The following IL1RAPL1 variants were observed in gnomAD, a reference collection of about 807,000 sequenced individuals.
IL1RAPL1 encodes the protein interleukin 1 receptor accessory protein like 1, also known as interleukin-1 receptor accessory protein-like 1.
In IL1RAPL1, 3 loss-of-function variants were observed where a neutral mutation model predicts 48.4. The ratio of observed to expected loss-of-function variants is 0.06; its 90% CI spans 0.03 to 0.16. The LOEUF (loss-of-function observed/expected upper bound fraction) is 0.16, where lower values mean the gene tolerates loss of function less well. IL1RAPL1 is among the 10% of genes least tolerant of loss of function. The probability of loss-of-function intolerance (pLI) is 1.00; values close to 1 mark genes in which losing one functional copy is unlikely to be tolerated. For synonymous variants in IL1RAPL1, 185 were observed against 187.7 expected (o/e 0.99, Z 0.12); for missense variants, 349 against 530.6 (o/e 0.66, Z 3.36).
chrX:28,635,814 T>C (rs1934457704), intron 1 of IL1RAPL1, among the ~76,000 whole-genome samples: 1 of 111,538 alleles, frequency 9.0e-6, no homozygotes, highest in Admixed American at 9.6e-5. Context: ...TGTGTGTATG[T>C]GTAGCCCGGC....
intron 6 of IL1RAPL1, among the ~76,000 whole-genome samples, chrX:29,748,288 A>G (rs144519452): frequency 0.028 from 3,133 of 112,238 alleles, 104 homozygotes; most frequent in African/African-American, 0.097. Context: ...TTTTCCAGGT[A>G]CCAAAAACTT....
chrX:29,676,399 G>A (rs1237281208), intron 6 of IL1RAPL1, among the ~76,000 whole-genome samples: 1 of 111,635 alleles, frequency 9.0e-6, no homozygotes, highest in East Asian at 2.8e-4. Context: ...TCATACTATG[G>A]CAGCAGATAC....
chrX:29,494,414 A>G (rs1000012995), intron 5 of IL1RAPL1, among the ~76,000 whole-genome samples: 1 of 112,021 alleles, frequency 8.9e-6, no homozygotes, highest in Non-Finnish European at 1.9e-5. Context: ...GCTATTATGA[A>G]TAGCAAGATG....
rs913830506 is a variant in IL1RAPL1 at position 29,793,586 on chromosome X, G to A, written c.779-123878G>A. 1.6e-4 allele frequency among the ~76,000 whole-genome samples: 18 copies of A among 111,611 alleles called. No homozygotes were observed. The Admixed American group carries it at 1.6e-3, about 10-fold the overall frequency. On this transcript the variant is annotated intron_variant, in intron 6 of 10. Coordinates refer to ENST00000378993, the MANE Select transcript of IL1RAPL1 (RefSeq NM_014271.4). ...GTGATAATGTTTTATTTTCAAGCAG[G>A]TCATGATTATACTTATCACATTATT...
intron 5 of IL1RAPL1, among the ~76,000 whole-genome samples, chrX:29,470,859 C>G (rs1934913171): frequency 9.0e-6 from 1 of 111,360 alleles, no homozygotes; most frequent in African/African-American, 3.3e-5. Flanking sequence ...TTTTGAACTC[C>G]TGGCCTCAAG....
intron 5 of IL1RAPL1, among the ~76,000 whole-genome samples, chrX:29,604,759 T>C (rs1923833704): frequency 9.0e-6 from 1 of 111,625 alleles, no homozygotes; most frequent in South Asian, 3.7e-4. Context: ...GAGAATGGAA[T>C]AGAAAGTGCT....
At chrX:29,180,500 C>A (rs917920194) in intron 2 of IL1RAPL1, among the ~76,000 whole-genome samples, 2 of 109,631 alleles carry the variant, frequency 1.8e-5, no homozygotes, top group Non-Finnish European at 3.8e-5. Context: ...CCTCAACCTC[C>A]CAAGTAGCTG....
chrX:29,076,634 T>TC (rs768628832), intron 2 of IL1RAPL1, among the ~76,000 whole-genome samples: 1 of 111,300 alleles, frequency 9.0e-6, no homozygotes, highest in African/African-American at 3.3e-5. Flanking sequence ...TCCATTCCAT[T>TC]CATTCATTCA....
At chrX:29,468,656 T>G (rs1934889126) in intron 5 of IL1RAPL1, among the ~76,000 whole-genome samples, 1 of 112,152 alleles carries the variant, frequency 8.9e-6, no homozygotes. Flanking sequence ...TGGTGTCTAT[T>G]GAGCTAAAGT....
intron 6 of IL1RAPL1, among the ~76,000 whole-genome samples, chrX:29,906,462 TATA>T (rs1171540207): frequency 0.045 from 28 of 623 alleles, no homozygotes; most frequent in Non-Finnish European, 0.056. Flanking sequence ...ACTTTGTAAA[TATA>T]TATATATATA....
At chrX:29,249,058 G>A (rs1048597702) in intron 2 of IL1RAPL1, among the ~76,000 whole-genome samples, 1 of 111,168 alleles carries the variant, frequency 9.0e-6, no homozygotes, top group African/African-American at 3.3e-5. Flanking sequence ...GTTATAGTAC[G>A]GTATTTCTTG....
Position 28,967,957 on chromosome X carries a change from G to T in IL1RAPL1, c.82+178532G>T, listed in dbSNP as rs192502640. Among the ~76,000 whole-genome samples, 814 of 111,651 alleles carry T rather than the reference G, an allele frequency of 7.3e-3. 13 individuals carry two copies. Among genetic ancestry groups the T allele is most frequent in the African/African-American group, 0.026 (788 of 30,785 alleles). On this transcript the variant is annotated intron_variant, in intron 2 of 10. Transcript: ENST00000378993. ...CTGAGAGAGAGCGTCCCTCACTTTT[G>T]GTCCCTGTAGTGTGTCTCTTTTCAG...
chrX:29,383,858 A>G (rs1248024686), intron 3 of IL1RAPL1, among the ~76,000 whole-genome samples: 1 of 112,101 alleles, frequency 8.9e-6, no homozygotes, highest in Admixed American at 9.5e-5. Context: ...CTACTAATTC[A>G]CAGTGTAATT....
At chrX:28,868,175 C>A (rs1327613348) in intron 2 of IL1RAPL1, among the ~76,000 whole-genome samples, 1 of 111,211 alleles carries the variant, frequency 9.0e-6, no homozygotes, top group Non-Finnish European at 1.9e-5. Context: ...ACGCTCTTGG[C>A]CCTTATTTCT....
intron 3 of IL1RAPL1, among the ~76,000 whole-genome samples, chrX:29,329,374 A>C (rs1475144336): frequency 8.9e-6 from 1 of 112,093 alleles, no homozygotes; most frequent in Admixed American, 9.5e-5. Context: ...ATGAAAATAC[A>C]TGTTCACATA....
chrX:29,522,904 C>A (rs761011450), intron 5 of IL1RAPL1, among the ~76,000 whole-genome samples: 1 of 111,143 alleles, frequency 9.0e-6, no homozygotes, highest in African/African-American at 3.3e-5. Flanking sequence ...CTCTCTCTCT[C>A]ATCTGTGTTC....
chrX:29,601,675 T>TA (rs1041806474), intron 5 of IL1RAPL1, among the ~76,000 whole-genome samples: 7 of 112,247 alleles, frequency 6.2e-5, no homozygotes, highest in Non-Finnish European at 9.4e-5. Context: ...CTAGGAGTCT[T>TA]AAAAAAATGA....
intron 3 of IL1RAPL1, among the ~76,000 whole-genome samples, chrX:29,330,616 C>T (rs931712834): frequency 9.0e-6 from 1 of 111,220 alleles, no homozygotes; most frequent in African/African-American, 3.3e-5. Flanking sequence ...ACCTACCTCT[C>T]CTACAGTTTC....
intron 5 of IL1RAPL1, among the ~76,000 whole-genome samples, chrX:29,412,682 G>A (rs922180601): frequency 1.8e-5 from 2 of 111,942 alleles, no homozygotes; most frequent in African/African-American, 6.5e-5. Context: ...GTGAAGTGTG[G>A]TATCAGCCTG....
Sources: gnomAD v4.1 joint callset for allele counts (sites outside exome capture counted in the v4.1 genomes callset) on GRCh38, gnomAD v4.1.1 for gene constraint, MANE v1.5 for transcripts, NCBI Gene and HGNC (gene_info 2026-07-23, HGNC 2026-07-21) for gene names.